SCNN1B: variants seen among roughly 807,000 people sequenced by gnomAD.
SCNN1B encodes sodium channel epithelial 1 subunit beta, also known as epithelial sodium channel subunit beta.
A neutral mutation model predicts 65.3 loss-of-function variants in SCNN1B; 46 were observed. That is an observed-to-expected ratio of 0.70 (90% CI 0.56 to 0.90). The LOEUF (loss-of-function observed/expected upper bound fraction) is 0.90. Ranked by LOEUF, SCNN1B falls within the 40% of genes least tolerant of loss-of-function variation. The pLI is 0.00. For missense variants in SCNN1B, 751 were observed against 830.5 expected, an observed-to-expected ratio of 0.90 and a Z score of 1.18; for synonymous variants, 349 against 330.6, an observed-to-expected ratio of 1.06 and a Z score of -0.60.
intron 4 of SCNN1B, among the ~76,000 whole-genome samples, chr16:23,359,949 T>C (rs1962503616): frequency 6.6e-6 from 1 of 152,180 alleles, no homozygotes; most frequent in Non-Finnish European, 1.5e-5. Context: ...ACGCCTATAA[T>C]CCCAGCACTT....
chr16:23,375,790 G>C lies in SCNN1B; in HGVS notation c.1205G>C (p.Gly402Ala), dbSNP rs776645763. The change falls in exon 8 of 13, where the codon GGC becomes GCC. Residue 402 changes from glycine (G) to alanine (A), a missense_variant. By Grantham distance (60) the Gly-to-Ala change is moderately conservative (BLOSUM62 0). Coordinates refer to ENST00000343070, the MANE Select transcript of SCNN1B (RefSeq NM_000336.3). The stretch of plus-strand genomic sequence containing the variant: ...CACATGATCCGTAACTGCAACTGTG[G>C]CCACTACCTGTACCCACTGCCCCGT... ...QDHMIRNCNC[G>A]HYLYPLPRGE... 3 of 1,614,046 alleles carry C rather than the reference G, an allele frequency of 1.9e-6. No homozygotes were observed. Among genetic ancestry groups the C allele is most frequent in the Non-Finnish European group, 2.5e-6 (3 of 1,180,038 alleles).
At chr16:23,312,520 T>C (rs1961366943) in intron 1 of SCNN1B, among the ~76,000 whole-genome samples, 1 of 152,068 alleles carries the variant, frequency 6.6e-6, no homozygotes, top group Non-Finnish European at 1.5e-5. Flanking sequence ...CCACCCTGGC[T>C]ATTGCTCTGA....
chr16:23,370,579 C>A (rs1400800233), intron 5 of SCNN1B, among the ~76,000 whole-genome samples: 1 of 152,148 alleles, frequency 6.6e-6, no homozygotes, highest in African/African-American at 2.4e-5. Flanking sequence ...GGAAGGAAGA[C>A]AGACAATAAA....
chr16:23,367,721 T>C (rs970453993), intron 4 of SCNN1B, 135 bp from the exon 5 acceptor site: 1 of 762,538 alleles, frequency 1.3e-6, no homozygotes, highest in African/African-American at 1.7e-5. Context: ...GACCAGAGGA[T>C]GGACAGAATG....
chr16:23,288,482 T>C (rs1007871028), intron 2 of SCNN1B, among the ~76,000 whole-genome samples: 2 of 152,142 alleles, frequency 1.3e-5, no homozygotes, highest in Non-Finnish European at 2.9e-5. Context: ...AGCTCTGCTT[T>C]GTGGTCTCTC....
At chr16:23,372,795 A>C (rs1962812604) in intron 7 of SCNN1B, among the ~76,000 whole-genome samples, 1 of 149,386 alleles carries the variant, frequency 6.7e-6, no homozygotes, top group African/African-American at 2.5e-5. Context: ...CCCGGACTTT[A>C]TTATTATTTT....
chr16:23,302,856 A>T (rs1961115233), intron 1 of SCNN1B, among the ~76,000 whole-genome samples: 1 of 152,160 alleles, frequency 6.6e-6, no homozygotes, highest in Non-Finnish European at 1.5e-5. Flanking sequence ...CTCACAGGGC[A>T]TCCCTGTGGG....
intron 11 of SCNN1B, among the ~76,000 whole-genome samples, chr16:23,379,124 C>A (rs1035344031): frequency 6.7e-6 from 1 of 149,456 alleles, no homozygotes; most frequent in Non-Finnish European, 1.5e-5. Context: ...CCCACACACC[C>A]AGCCATCCTC....
At chr16:23,354,956 G>T (rs1330206399) in intron 3 of SCNN1B, among the ~76,000 whole-genome samples, 1 of 152,150 alleles carries the variant, frequency 6.6e-6, no homozygotes, top group Non-Finnish European at 1.5e-5. Flanking sequence ...TCCCTTGAAC[G>T]AGGGGACCAG....
At chr16:23,330,758 A>G (rs1961794700) in intron 1 of SCNN1B, among the ~76,000 whole-genome samples, 1 of 151,982 alleles carries the variant, frequency 6.6e-6, no homozygotes, top group African/African-American at 2.4e-5. Flanking sequence ...TTTTTTCTAG[A>G]AATGGGGTCT....
chr16:23,305,560 A>AT (rs1567290357), intron 1 of SCNN1B, among the ~76,000 whole-genome samples: 12 of 44,180 alleles, frequency 2.7e-4, no homozygotes, highest in African/African-American at 1.6e-3. Context: ...ATATATATAT[A>AT]TATATATATA....
chr16:23,301,366 A>AAAAAG (rs796515589), upstream of SCNN1B, among the ~76,000 whole-genome samples: 290 of 146,838 alleles, frequency 2.0e-3, 2 homozygotes, highest in Middle Eastern at 0.024. Context: ...TGTCAAAAAA[A>AAAAAG]AAAGAAAGAA....
At position 23,326,619 on chromosome 16, in the gene SCNN1B, C is replaced by T. The variant is rs146406843; in HGVS notation, c.-8-21973C>T. 3.2e-3 allele frequency among the ~76,000 whole-genome samples: 483 copies of T among 152,084 alleles called. 1 individual carries two copies. The highest frequency in any genetic ancestry group is 5.5e-3 in the Non-Finnish European group (375 of 67,982). ...AGCTGGGATTATAGGTGTGCGCCAC[C>T]ATGCCCAGCTAATTTTTTTTGTATT... On this transcript the variant is annotated intron_variant, in intron 1 of 12. Coordinates refer to ENST00000343070, the MANE Select transcript of SCNN1B (RefSeq NM_000336.3).
At chr16:23,328,548 C>T (rs1961744375) in intron 1 of SCNN1B, among the ~76,000 whole-genome samples, 1 of 152,170 alleles carries the variant, frequency 6.6e-6, no homozygotes, top group African/African-American at 2.4e-5. Context: ...TACAAGAGGC[C>T]TCTGTTTTCA....
Position 23,377,249 on chromosome 16 carries a change from G to A in SCNN1B, c.1346+9G>A, listed in dbSNP as rs763914401. 1.5e-5 allele frequency: 24 copies of A among 1,614,028 alleles called. No homozygotes were observed. The highest frequency in any genetic ancestry group is 1.1e-4 in the African/African-American group (8 of 74,938). ...TGCAAGGAGTCCTGCAAGTGAGTGC[G>A]GGTGGGCGGGCACAGCAGCGGGCAG... On this transcript the variant is annotated intron_variant, in intron 9 of 12. Transcript: ENST00000343070.
At chr16:23,284,942 C>T (rs1960829989) in intron 2 of SCNN1B, among the ~76,000 whole-genome samples, 1 of 152,158 alleles carries the variant, frequency 6.6e-6, no homozygotes, top group Non-Finnish European at 1.5e-5. Flanking sequence ...AGAAGCTTAT[C>T]AAAGACTATG....
chr16:23,323,171 C>T, intron 1 of SCNN1B, among the ~76,000 whole-genome samples: 1 of 151,886 alleles, frequency 6.6e-6, no homozygotes, highest in East Asian at 1.9e-4. Flanking sequence ...GCACTCCAGC[C>T]TGGGTGACAG....
intron 1 of SCNN1B, among the ~76,000 whole-genome samples, chr16:23,316,587 TCTTCACCAC>T (rs1961472582): frequency 4.8e-5 from 6 of 124,542 alleles, no homozygotes; most frequent in African/African-American, 2.5e-4. Context: ...ACCATCACCA[TCTTCACCAC>T]CATCACCATC....
intron 1 of SCNN1B, among the ~76,000 whole-genome samples, chr16:23,307,830 A>C (rs1197956493): frequency 6.6e-6 from 1 of 152,166 alleles, no homozygotes; most frequent in Admixed American, 6.5e-5. Flanking sequence ...CAGGAGGACC[A>C]CTTGAGCCCA....
Sources: gnomAD v4.1 joint callset for allele counts (sites outside exome capture counted in the v4.1 genomes callset) on GRCh38, gnomAD v4.1.1 for gene constraint, MANE v1.5 for transcripts, NCBI Gene and HGNC (gene_info 2026-07-23, HGNC 2026-07-21) for gene names.